The following PPARGC1A variants were observed in gnomAD, a reference collection of about 807,000 sequenced individuals.
PPARGC1A encodes PPARG coactivator 1 alpha.
PPARGC1A carries 25 observed loss-of-function variants against 88.7 expected under a neutral mutation model. The observed-to-expected ratio is 0.28, with a 90% CI of 0.21 to 0.39. The LOEUF is 0.39. PPARGC1A is among the 10% of genes least tolerant of loss of function. The pLI, the probability that PPARGC1A is intolerant of heterozygous loss-of-function variation, is 1.00. For synonymous variants in PPARGC1A, 363 were observed against 355.6 expected, an observed-to-expected ratio of 1.02 and a Z score of -0.24; for missense variants, 880 against 968.7, an observed-to-expected ratio of 0.91 and a Z score of 1.22.
the PPARGC1A span, among the ~76,000 whole-genome samples, chr4:24,305,931 G>A: frequency 6.6e-6 from 1 of 152,188 alleles, no homozygotes. Context: ...AGCTGGCTGG[G>A]TTTGTACAAC....
chr4:24,080,275 A>C, the PPARGC1A span, among the ~76,000 whole-genome samples: 3 of 151,948 alleles, frequency 2.0e-5, no homozygotes, highest in African/African-American at 7.2e-5. Context: ...TTACTCAATC[A>C]GTTTATTTCT....
the PPARGC1A span, among the ~76,000 whole-genome samples, chr4:24,002,572 G>A: frequency 3.3e-5 from 5 of 150,616 alleles, no homozygotes; most frequent in Admixed American, 6.6e-5. Flanking sequence ...CATAATCCCA[G>A]CGTTAATTAT....
At chr4:24,347,934 T>C in the PPARGC1A span, among the ~76,000 whole-genome samples, 1 of 152,228 alleles carries the variant, frequency 6.6e-6, no homozygotes, top group Non-Finnish European at 1.5e-5. Context: ...TTGATGTGTT[T>C]CCAGGATTTG....
At chr4:24,333,940 C>CAAAAAAAAAAAAAAAAAAAAAAA in the PPARGC1A span, among the ~76,000 whole-genome samples, 1 of 13,830 alleles carries the variant, frequency 7.2e-5, no homozygotes, top group African/African-American at 1.9e-4. Context: ...ACAACAACAA[C>CAAAAAAAAAAAAAAAAAAAAAAA]AAAAAAAAAA....
the PPARGC1A span, among the ~76,000 whole-genome samples, chr4:24,461,062 T>C: frequency 2.0e-5 from 3 of 152,136 alleles, no homozygotes; most frequent in Non-Finnish European, 4.4e-5. Flanking sequence ...TAGCTGAGAC[T>C]ACAGGTGCAT....
At chr4:24,380,648 C>T in the PPARGC1A span, among the ~76,000 whole-genome samples, 14 of 151,972 alleles carry the variant, frequency 9.2e-5, no homozygotes, top group South Asian at 2.1e-4. Context: ...GAGATTCTGA[C>T]GGGTTTAACC....
At chr4:23,947,350 G>C in the PPARGC1A span, among the ~76,000 whole-genome samples, 2 of 108,490 alleles carry the variant, frequency 1.8e-5, no homozygotes, top group African/African-American at 4.0e-5. Context: ...TTGTTATATA[G>C]TGATATATAT....
At chr4:24,027,829 A>G in the PPARGC1A span, among the ~76,000 whole-genome samples, 2 of 152,186 alleles carry the variant, frequency 1.3e-5, no homozygotes, top group African/African-American at 4.8e-5. Context: ...TACAGGGAGT[A>G]GACGATGTCT....
the PPARGC1A span, among the ~76,000 whole-genome samples, chr4:24,434,700 C>T: frequency 6.6e-6 from 1 of 152,210 alleles, no homozygotes; most frequent in South Asian, 2.1e-4. Flanking sequence ...TTGCCAACAT[C>T]AGATTGTTCA....
At chr4:24,471,033 A>G in the PPARGC1A span, among the ~76,000 whole-genome samples, 34 of 150,884 alleles carry the variant, frequency 2.3e-4, no homozygotes, top group African/African-American at 8.2e-4. This position sits in a 1 kb window ranked among gnomAD's most constrained non-coding sequence, Gnocchi z 5.4. Flanking sequence ...GGAGCGCGCC[A>G]GCGCCGGCGA....
At chr4:23,949,196 C>T in the PPARGC1A span, among the ~76,000 whole-genome samples, 1 of 152,050 alleles carries the variant, frequency 6.6e-6, no homozygotes, top group South Asian at 2.1e-4. Context: ...TATGTATGTA[C>T]TACATACATA....
the PPARGC1A span, among the ~76,000 whole-genome samples, chr4:23,968,549 T>C: frequency 6.6e-6 from 1 of 152,192 alleles, no homozygotes; most frequent in African/African-American, 2.4e-5. Flanking sequence ...GACAGTCATC[T>C]TTTTCTTCTA....
the PPARGC1A span, among the ~76,000 whole-genome samples, chr4:24,061,016 C>T: frequency 2.6e-5 from 4 of 151,728 alleles, no homozygotes; most frequent in Non-Finnish European, 4.4e-5. Context: ...CCTTGCAACT[C>T]ATTATTATCC....
chr4:24,203,795 G>A, the PPARGC1A span, among the ~76,000 whole-genome samples: 1 of 152,324 alleles, frequency 6.6e-6, no homozygotes, highest in Middle Eastern at 3.4e-3. Flanking sequence ...GAAAAGGAAC[G>A]TGCAAAAGAA....
the PPARGC1A span, among the ~76,000 whole-genome samples, chr4:24,455,523 G>A: frequency 6.6e-6 from 1 of 152,202 alleles, no homozygotes; most frequent in Non-Finnish European, 1.5e-5. Context: ...GTGCCTGGAA[G>A]GGGATGAATT....
the PPARGC1A span, among the ~76,000 whole-genome samples, chr4:24,429,415 G>C: frequency 6.6e-6 from 1 of 152,102 alleles, no homozygotes; most frequent in Non-Finnish European, 1.5e-5. Context: ...GGGAGACAAA[G>C]GCATATTAGC....
the PPARGC1A span, among the ~76,000 whole-genome samples, chr4:24,429,806 C>T: frequency 2.6e-5 from 4 of 152,192 alleles, no homozygotes; most frequent in East Asian, 7.7e-4. Context: ...CACCCGCCAC[C>T]AGGCCTGGCT....
chr4:24,161,961 T>C, the PPARGC1A span, among the ~76,000 whole-genome samples: 120 of 133,934 alleles, frequency 9.0e-4, 3 homozygotes, highest in East Asian at 6.4e-3. Flanking sequence ...AATTGTGATA[T>C]ACACACACAC....
chr4:24,304,336 T>C, the PPARGC1A span, among the ~76,000 whole-genome samples: 15 of 152,194 alleles, frequency 9.9e-5, no homozygotes, highest in Admixed American at 9.8e-4. Context: ...TAACTTATTA[T>C]AACTTGTGAG....
Sources: gnomAD v4.1 joint callset for allele counts (sites outside exome capture counted in the v4.1 genomes callset) on GRCh38, gnomAD v4.1.1 for gene constraint, Gnocchi (gnomAD v3.1) non-coding constraint, MANE v1.5 for transcripts, NCBI Gene and HGNC (gene_info 2026-07-23, HGNC 2026-07-21) for gene names.